The following DNAAF1 variants were observed in gnomAD, a reference collection of about 807,000 sequenced individuals.
DNAAF1 encodes dynein assembly factor 1, axonemal.
A neutral mutation model predicts 71.1 loss-of-function variants in DNAAF1; 65 were observed. The ratio of observed to expected loss-of-function variants is 0.91; its 90% CI spans 0.75 to 1.12. The LOEUF is 1.12. DNAAF1 is among the 50% of genes most tolerant of loss of function. The probability of loss-of-function intolerance (pLI) is 0.00; values close to 1 mark genes in which losing one functional copy is unlikely to be tolerated. For synonymous variants in DNAAF1, 414 were observed against 354.6 expected, an observed-to-expected ratio of 1.17 and a Z score of -1.88; for missense variants, 1,178 against 899.8, an observed-to-expected ratio of 1.31 and a Z score of -3.96.
At chr16:84,157,457 T>A (rs917849463) in intron 5 of DNAAF1, among the ~76,000 whole-genome samples, 2 of 143,040 alleles carry the variant, frequency 1.4e-5, no homozygotes, top group Non-Finnish European at 3.0e-5. Context: ...CAGGAGGCAT[T>A]GCAGTGAGCC....
chr16:84,157,435 A>G (rs962804019), intron 5 of DNAAF1, among the ~76,000 whole-genome samples: 4 of 150,678 alleles, frequency 2.7e-5, no homozygotes, highest in Admixed American at 2.0e-4. Flanking sequence ...AGGCATGAGA[A>G]TTGCTTGAAC....
At chr16:84,150,390 G>A (rs1416860080) in intron 3 of DNAAF1, 48 bp downstream of exon 3, 2 of 1,426,104 alleles carry the variant, frequency 1.4e-6, no homozygotes, top group East Asian at 4.6e-5. Flanking sequence ...GAAAGATTCT[G>A]TCTAGCGGTA....
At chr16:84,149,204 C>G in intron 2 of DNAAF1, 62 bp downstream of exon 2, 4 of 1,590,924 alleles carry the variant, frequency 2.5e-6, no homozygotes, top group Non-Finnish European at 2.6e-6. Context: ...CGTAATCACC[C>G]CCTTGTACGG....
chr16:84,175,293 T>C (rs1289160215), intron 10 of DNAAF1: 1 of 175,402 alleles, frequency 5.7e-6, no homozygotes, highest in Non-Finnish European at 1.2e-5. Context: ...TAGCTGAAAG[T>C]ACTTTCTGTC....
At chr16:84,149,204 C>A (rs1169512110) in intron 2 of DNAAF1, 62 bp downstream of exon 2, 3 of 1,590,922 alleles carry the variant, frequency 1.9e-6, no homozygotes, top group African/African-American at 2.7e-5. Context: ...CGTAATCACC[C>A]CCTTGTACGG....
At chr16:84,166,099 G>A in intron 7 of DNAAF1, 150 bp downstream of exon 7, 1 of 1,109,294 alleles carries the variant, frequency 9.0e-7, no homozygotes, top group Non-Finnish European at 1.3e-6. Flanking sequence ...AGGTTGCAAA[G>A]TTGGAGTGCA....
At chr16:84,161,938 T>G (rs1385730313) in intron 6 of DNAAF1, among the ~76,000 whole-genome samples, 1 of 152,164 alleles carries the variant, frequency 6.6e-6, no homozygotes, top group Non-Finnish European at 1.5e-5. Flanking sequence ...GATCAGCTCT[T>G]ACATTCACTG....
rs191846675 is a variant in DNAAF1, at chr16:84,164,386, G to A, written c.864-1397G>A. 9.5e-4 allele frequency among the ~76,000 whole-genome samples: 144 copies of A among 152,226 alleles called. 1 individual carries two copies. Among genetic ancestry groups the A allele is most frequent in the African/African-American group, 3.4e-3 (141 of 41,528 alleles). ...CAGTATCTCACAGAATAGTTTTACT[G>A]CCCTAAAACCCTCTGTGCTCTGCTT... On this transcript the variant is annotated intron_variant, in intron 6 of 11. Transcript: ENST00000378553.
chr16:84,150,293 G>T lies in DNAAF1; in HGVS notation c.303G>T (p.Lys101Asn), dbSNP rs140386513. The change falls in exon 3 of 12, where the codon AAG (lysine) becomes AAT (asparagine). Residue 101 changes from lysine to asparagine, a missense_variant. Transcript: ENST00000378553. ...SSLQKLCKQH[K>N]LYITPALNDT... ...TGCAAAAACTCTGCAAGCAGCACAAGCTTTATATTACCCCAGCATTGAATG... is the reference window on the plus strand; with the variant it reads ...TGCAAAAACTCTGCAAGCAGCACAATCTTTATATTACCCCAGCATTGAATG... The T allele has an allele frequency of 3.1e-6, 5 of 1,614,044 alleles. No individual in the cohort carries two copies. The Middle Eastern group carries it at 4.9e-4, about 160-fold the overall frequency.
rs1567554581 is a variant in DNAAF1 at position 84,165,804 on chromosome 16, TA to T, written c.886del (p.Arg296GlyfsTer31). The T allele has an allele frequency of 6.2e-7, 1 of 1,613,566 alleles. No individual in the cohort carries two copies. The highest frequency in any genetic ancestry group is 1.7e-4 in the Middle Eastern group (1 of 5,950). Reference sequence around the variant, plus strand: ...ACAGAGCTTGTGCGGAGGCCTGGGCTAGGGGAGGGTACGCAGCTGAAAAGGA... The same window carrying T: ...ACAGAGCTTGTGCGGAGGCCTGGGCTGGGGAGGGTACGCAGCTGAAAAGGA... Reference protein sequence around the residue: ...KDRACAEAWARGGYAAEKEER... With the variant: ...KDRACAEAWAXGGYAAEKEER... On this transcript the variant is annotated frameshift_variant, in exon 7 of 12. Transcript: ENST00000378553. LOFTEE classifies it high-confidence loss of function.
Position 84,170,028 on chromosome 16 carries a change from T to C in DNAAF1, c.1200T>C (p.Pro400=), listed in dbSNP as rs1373074000. ...AAAAGCCAAGTGGAGAGGAGCCGCC[T>C]GTGGAGGCTAAAAGAGAGGATGGAG... The part of the protein sequence containing the change: ...CPEKPSGEEP[P]VEAKREDGGP... Residue 400 remains proline (P), a synonymous_variant, in exon 8 of 12, where the codon CCT becomes CCC. Coordinates refer to ENST00000378553, the MANE Select transcript of DNAAF1 (RefSeq NM_178452.6). 2 of 1,613,848 alleles carry C rather than the reference T, an allele frequency of 1.2e-6. No homozygotes were observed. Among genetic ancestry groups the C allele is most frequent in the South Asian group, 2.2e-5 (2 of 91,074 alleles).
chr16:84,161,810 C>T (rs1255960737), intron 6 of DNAAF1, among the ~76,000 whole-genome samples: 1 of 151,988 alleles, frequency 6.6e-6, no homozygotes, highest in East Asian at 1.9e-4. Context: ...AGTACCTTCT[C>T]CACTTGATGT....
intron 10 of DNAAF1, chr16:84,175,726 A>G: frequency 1.6e-6 from 1 of 611,594 alleles, no homozygotes; most frequent in Non-Finnish European, 2.9e-6. Context: ...CAGAGGGCAG[A>G]GAGAAGGGCA....
Position 84,172,120 on chromosome 16 carries a change from G to A in DNAAF1, c.1529-140G>A, listed in dbSNP as rs12926474. 0.61 allele frequency: 475,942 copies of A among 773,906 alleles called. 148,135 individuals are homozygous for A. The highest frequency in any genetic ancestry group is 0.7 in the Admixed American group (34,801 of 49,654). 47.9% of individuals were successfully genotyped at this position (773,906 alleles called of 1,614,324 possible). A position where few individuals can be genotyped will look rare whatever the true frequency, so the allele number is the denominator to read the frequency against. ...ACTCAAACTTCTGACCTTGTGATCC[G>A]CCCACCTTGGCCCCCCAAAGTGTTG... On this transcript the variant is annotated intron_variant, in intron 8 of 11. Coordinates refer to ENST00000378553, the MANE Select transcript of DNAAF1 (RefSeq NM_178452.6).
At chr16:84,157,575 G>A (rs995526593) in intron 5 of DNAAF1, among the ~76,000 whole-genome samples, 4 of 150,648 alleles carry the variant, frequency 2.7e-5, no homozygotes, top group Admixed American at 6.6e-5. Context: ...TGCTTCCTAT[G>A]TCCTTTTGAG....
At chr16:84,156,619 C>T (rs1005304446) in intron 5 of DNAAF1, among the ~76,000 whole-genome samples, 5 of 152,160 alleles carry the variant, frequency 3.3e-5, no homozygotes, top group African/African-American at 1.2e-4. Context: ...CACTGATGAA[C>T]ATTGCCTAGA....
intron 3 of DNAAF1, among the ~76,000 whole-genome samples, chr16:84,153,789 C>G (rs550039402): frequency 1.3e-5 from 2 of 152,248 alleles, no homozygotes; most frequent in East Asian, 1.9e-4. Context: ...GAGAACAAAA[C>G]AAGGCCCACA....
intron 2 of DNAAF1, among the ~76,000 whole-genome samples, chr16:84,149,759 C>T (rs1267864226): frequency 6.7e-6 from 1 of 150,098 alleles, no homozygotes; most frequent in East Asian, 2.0e-4. Flanking sequence ...GCGTGGTGGC[C>T]CTTGCCTGTA....
At chr16:84,148,505 A>G (rs2087020228) in intron 1 of DNAAF1, among the ~76,000 whole-genome samples, 1 of 151,370 alleles carries the variant, frequency 6.6e-6, no homozygotes, top group Non-Finnish European at 1.5e-5. Context: ...GAGTTTTTAT[A>G]GAGGATCTAC....
Sources: gnomAD v4.1 joint callset for allele counts (sites outside exome capture counted in the v4.1 genomes callset) on GRCh38, gnomAD v4.1.1 for gene constraint, MANE v1.5 for transcripts, NCBI Gene and HGNC (gene_info 2026-07-23, HGNC 2026-07-21) for gene names.